FAM184A: variants seen among roughly 807,000 people sequenced by gnomAD.
FAM184A encodes the protein protein FAM184A.
In FAM184A, 99 loss-of-function variants were observed where a neutral mutation model predicts 143.8. The observed-to-expected ratio is 0.69, with a 90% confidence interval of 0.58 to 0.81. The LOEUF (loss-of-function observed/expected upper bound fraction) is 0.81, where lower values mean the gene tolerates loss of function less well. Among genes scored for constraint, FAM184A ranks in the 40% least tolerant of loss-of-function variants. The pLI, the probability that FAM184A is intolerant of heterozygous loss-of-function variation, is 0.00. For synonymous variants in FAM184A, 427 were observed against 446.4 expected (o/e 0.96, Z 0.55); for missense variants, 1,217 against 1,310.5 (o/e 0.93, Z 1.10).
intron 1 of FAM184A, among the ~76,000 whole-genome samples, chr6:119,091,059 A>C (rs1562146443): frequency 6.6e-6 from 1 of 152,206 alleles, no homozygotes; most frequent in Non-Finnish European, 1.5e-5. Context: ...GTCCTTTGGC[A>C]TAAAGAGCCA....
At chr6:119,128,226 G>T (rs1321230364) in intron 1 of FAM184A, among the ~76,000 whole-genome samples, 2 of 152,210 alleles carry the variant, frequency 1.3e-5, no homozygotes, top group Admixed American at 1.3e-4. Flanking sequence ...TTGGTGGGAA[G>T]AAAAGCAGGC....
At chr6:119,096,816 C>T (rs1335838905) in intron 1 of FAM184A, among the ~76,000 whole-genome samples, 1 of 152,104 alleles carries the variant, frequency 6.6e-6, no homozygotes, top group African/African-American at 2.4e-5. Flanking sequence ...CTTCCCCACC[C>T]CCACTCCTCC....
At chr6:118,967,621 C>T (rs986909311) in intron 14 of FAM184A, among the ~76,000 whole-genome samples, 1 of 152,002 alleles carries the variant, frequency 6.6e-6, no homozygotes, top group Non-Finnish European at 1.5e-5. Context: ...AAAATATAGG[C>T]CACTTTTTAT....
rs141615745 is a variant in FAM184A at position 119,138,593 on chromosome 6, CTTATTATTATTA to C, written c.-202+10473_-202+10484del. ...CACTCTCTCCTTCCTCGCTCTTTCACTTATTATTATTATTATTATTATTATTATTATTATTAT... is the reference window on the plus strand; with the variant it reads ...CACTCTCTCCTTCCTCGCTCTTTCACTTATTATTATTATTATTATTATTAT... On this transcript the variant is annotated intron_variant, in intron 1 of 16. Transcript: ENST00000352896. 5.6e-3 allele frequency among the ~76,000 whole-genome samples: 832 copies of C among 148,162 alleles called. 8 individuals carry two copies. Among genetic ancestry groups the C allele is most frequent in the Admixed American group, 0.011 (162 of 14,732 alleles).
intron 1 of FAM184A, among the ~76,000 whole-genome samples, chr6:119,133,724 C>T (rs1170581951): frequency 1.3e-5 from 2 of 152,082 alleles, no homozygotes; most frequent in East Asian, 1.9e-4. Context: ...TACTTCACCT[C>T]AGAAGGGGGT....
In FAM184A at chr6:119,043,738, G is replaced by A. The variant is rs529109958; in HGVS notation, c.160-18925C>T. Reference sequence around the variant, plus strand: ...GAGAATGGGCAGGAAGCCATTGGATGTAAATGAAAACAAAATGTATCAAAA... The same window carrying A: ...GAGAATGGGCAGGAAGCCATTGGATATAAATGAAAACAAAATGTATCAAAA... On this transcript the variant is annotated intron_variant, in intron 1 of 17. Coordinates refer to ENST00000338891, the MANE Select transcript of FAM184A (RefSeq NM_024581.6). Among the ~76,000 whole-genome samples the A allele has an allele frequency of 4.6e-5, 7 of 152,350 alleles. No individual in the cohort carries two copies. The South Asian group carries it at 1.4e-3, about 32-fold the overall frequency.
At chr6:119,144,157 C>A (rs1211082211) in intron 1 of FAM184A, among the ~76,000 whole-genome samples, 2 of 102,202 alleles carry the variant, frequency 2.0e-5, no homozygotes, top group African/African-American at 7.7e-5. Flanking sequence ...GAAACCCTGT[C>A]TCTACTAAAA....
Position 119,125,789 on chromosome 6 carries a change from C to T in FAM184A, c.-202+23289G>A, listed in dbSNP as rs143299723. ...TCCAGAGTCTTGCTCATCGTATGTG[C>T]CCAGAGAAGTTGTTGGAAGCAACTA... On this transcript the variant is annotated intron_variant, in intron 1 of 16. Coordinates refer to the FAM184A transcript ENST00000352896. 7.5e-4 allele frequency among the ~76,000 whole-genome samples: 114 copies of T among 152,206 alleles called. 1 individual carries two copies. The East Asian group carries it at 0.019, about 25-fold the overall frequency.
At chr6:119,003,654 A>T (rs1784835578) in intron 7 of FAM184A, 32 bp from the exon 8 acceptor site, 15 of 1,570,058 alleles carry the variant, frequency 9.6e-6, no homozygotes, top group African/African-American at 1.4e-5. Flanking sequence ...ATGAAGACTA[A>T]ACTTCAAAAA....
At chr6:119,126,856 C>A (rs1487260391) in intron 1 of FAM184A, among the ~76,000 whole-genome samples, 1 of 152,116 alleles carries the variant, frequency 6.6e-6, no homozygotes, top group East Asian at 1.9e-4. Flanking sequence ...GGAAGGGGAG[C>A]TGGAAAAGGG....
chr6:119,034,027 TATATATATATATATAGAGAGAGAG>T (rs1421152306), intron 1 of FAM184A, among the ~76,000 whole-genome samples: 1 of 20,334 alleles, frequency 4.9e-5, no homozygotes, highest in Non-Finnish European at 9.8e-5. Flanking sequence ...AAAATATATA[TATATATATATATATAGAGAGAGAG>T]AGAGAGAGAG....
rs892843205 is a variant in FAM184A at position 118,964,791 on chromosome 6, AC to A, written c.3034-21del. Reference sequence around the variant, plus strand: ...ATCCTCCTATGCAAAAGAATTATAAACATCTTTTAAATATTTTCTATGGAAT... The same window carrying A: ...ATCCTCCTATGCAAAAGAATTATAAAATCTTTTAAATATTTTCTATGGAAT... On this transcript the variant is annotated intron_variant, in intron 15 of 17. Transcript: ENST00000338891. 1 of 1,269,436 alleles carries A rather than the reference AC, an allele frequency of 7.9e-7. No homozygotes were observed. Among genetic ancestry groups the A allele is most frequent in the African/African-American group, 1.5e-5 (1 of 66,936 alleles). The allele number at this position is 1,269,436 out of a possible 1,614,324, so 78.6% of individuals were successfully genotyped here.
At chr6:119,112,624 C>G (rs750982444) in intron 1 of FAM184A, among the ~76,000 whole-genome samples, 3 of 151,602 alleles carry the variant, frequency 2.0e-5, no homozygotes, top group African/African-American at 7.3e-5. Context: ...CAATTCAGAT[C>G]GTCAGTGGCT....
intron 6 of FAM184A, among the ~76,000 whole-genome samples, chr6:119,008,021 T>C (rs769458045): frequency 6.6e-6 from 1 of 151,358 alleles, no homozygotes; most frequent in Non-Finnish European, 1.5e-5. Flanking sequence ...AATCTAGAGA[T>C]AGAATATTTA....
In FAM184A at chr6:119,049,886, A is replaced by T. The variant is rs1006482910; in HGVS notation, c.160-25073T>A. Among the ~76,000 whole-genome samples, 5 of 152,356 alleles carry T rather than the reference A, an allele frequency of 3.3e-5. No homozygotes were observed. The Middle Eastern group carries it at 0.01, about 311-fold the overall frequency. ...GCACAGCAAAAGAAACTATCATTAG[A>T]GTGAACAAGCAACCTACAGAATGGG... On this transcript the variant is annotated intron_variant, in intron 1 of 17. Transcript: ENST00000338891.
intron 1 of FAM184A, among the ~76,000 whole-genome samples, chr6:119,095,971 C>T (rs1187055082): frequency 6.6e-6 from 1 of 152,200 alleles, no homozygotes; most frequent in Non-Finnish European, 1.5e-5. Context: ...TCCTCTTTCA[C>T]AGTGGGTTCT....
intron 1 of FAM184A, among the ~76,000 whole-genome samples, chr6:119,061,074 C>T (rs1318400166): frequency 1.3e-5 from 2 of 152,122 alleles, no homozygotes; most frequent in East Asian, 1.9e-4. Flanking sequence ...AAAGATGACA[C>T]AATTTGAAAA....
chr6:119,002,801 A>G, intron 9 of FAM184A, 98 bp downstream of exon 9: 1 of 1,121,394 alleles, frequency 8.9e-7, no homozygotes, highest in Non-Finnish European at 1.2e-6. Flanking sequence ...CCCATGAAAA[A>G]TAACAAAATT....
intron 1 of FAM184A, among the ~76,000 whole-genome samples, chr6:119,105,369 G>A (rs746978966): frequency 1.6e-4 from 24 of 152,040 alleles, no homozygotes; most frequent in African/African-American, 1.4e-4. Flanking sequence ...TGCTGTTCTC[G>A]GGATAGTGAG....
Sources: gnomAD v4.1 joint callset for allele counts (sites outside exome capture counted in the v4.1 genomes callset) on GRCh38, gnomAD v4.1.1 for gene constraint, MANE v1.5 for transcripts, NCBI Gene and HGNC (gene_info 2026-07-23, HGNC 2026-07-21) for gene names.